The following GRM8 variants were observed in gnomAD, a reference collection of about 807,000 sequenced individuals.
GRM8 encodes glutamate metabotropic receptor 8.
GRM8 carries 47 observed loss-of-function variants against 87.2 expected under a neutral mutation model. The observed-to-expected ratio is 0.54, with a 90% CI of 0.43 to 0.69. The LOEUF (loss-of-function observed/expected upper bound fraction) is 0.69, where lower values mean the gene tolerates loss of function less well. Among genes scored for constraint, GRM8 ranks in the 30% least tolerant of loss-of-function variants. GRM8 has a pLI of 0.00. For synonymous variants in GRM8, 396 were observed against 404.5 expected (o/e 0.98, Z 0.25); for missense variants, 1,019 against 1,139.2 (o/e 0.89, Z 1.52).
Position 126,698,453 on chromosome 7 carries a change from C to T in GRM8, c.1357+71412G>A, listed in dbSNP as rs370472727. Among the ~76,000 whole-genome samples the T allele has an allele frequency of 8.5e-5, 13 of 152,216 alleles. No homozygotes were observed. The East Asian group carries it at 1.5e-3, about 18-fold the overall frequency. ...TAACTTATATTAAAATTACTTTCCA[C>T]ATATTACAAAATGCTCTAGGCATAT... On this transcript the variant is annotated intron_variant, in intron 7 of 10. Transcript: ENST00000339582.
chr7:126,520,206 G>GT (rs1812777800), intron 9 of GRM8, among the ~76,000 whole-genome samples: 1 of 151,976 alleles, frequency 6.6e-6, no homozygotes, highest in Non-Finnish European at 1.5e-5. Flanking sequence ...CTAAAAAGAA[G>GT]TTTAACTTCT....
chr7:126,826,819 A>G (rs1163961051), intron 6 of GRM8, among the ~76,000 whole-genome samples: 1 of 152,102 alleles, frequency 6.6e-6, no homozygotes, highest in Non-Finnish European at 1.5e-5. Flanking sequence ...GGTAATGCCT[A>G]GGTTTTCTTC....
chr7:127,059,398 G>A (rs1046347565), intron 3 of GRM8, among the ~76,000 whole-genome samples: 10 of 148,438 alleles, frequency 6.7e-5, no homozygotes, highest in Non-Finnish European at 8.9e-5. Context: ...GTGCAGTGGC[G>A]CAATCTCAGC....
intron 3 of GRM8, among the ~76,000 whole-genome samples, chr7:127,046,431 C>G (rs1486335043): frequency 6.6e-6 from 1 of 152,016 alleles, no homozygotes; most frequent in East Asian, 1.9e-4. Context: ...TTTTAATGAG[C>G]TAGTTCTGGT....
At chr7:126,707,493 C>T (rs985071219) in intron 7 of GRM8, among the ~76,000 whole-genome samples, 1 of 152,066 alleles carries the variant, frequency 6.6e-6, no homozygotes, top group Non-Finnish European at 1.5e-5. Flanking sequence ...TTTAACTAGA[C>T]TTTCTTTTCT....
intron 3 of GRM8, among the ~76,000 whole-genome samples, chr7:126,952,168 G>T (rs1324088702): frequency 6.6e-6 from 1 of 151,840 alleles, no homozygotes; most frequent in Non-Finnish European, 1.5e-5. Context: ...TAATAAGAGA[G>T]CACAAACACT....
In GRM8 at chr7:126,904,709, G is replaced by C. The variant is rs746255099; in HGVS notation, c.728-26C>G. ...CTATTTAAAAAAGAAGGGAGGTGGT[G>C]ATTCAGAAAGAGCATTTATTTAATT... On this transcript the variant is annotated intron_variant, in intron 3 of 10. Coordinates refer to ENST00000339582, the MANE Select transcript of GRM8 (RefSeq NM_000845.3). 2.5e-6 allele frequency: 4 copies of C among 1,605,256 alleles called. No individual in the cohort carries two copies. The South Asian group carries it at 4.4e-5, about 18-fold the overall frequency.
intron 9 of GRM8, among the ~76,000 whole-genome samples, chr7:126,502,275 T>A (rs1478740962): frequency 1.3e-5 from 2 of 152,048 alleles, no homozygotes; most frequent in Admixed American, 6.6e-5. Context: ...ACAAGCTAAG[T>A]ACCCACATAT....
chr7:126,487,552 A>G (rs1041367020), intron 9 of GRM8, among the ~76,000 whole-genome samples: 1 of 152,010 alleles, frequency 6.6e-6, no homozygotes, highest in Non-Finnish European at 1.5e-5. Context: ...AACAATGTCA[A>G]TGACCTTTCC....
At chr7:126,844,797 CTCT>C (rs1438661153) in intron 6 of GRM8, among the ~76,000 whole-genome samples, 1 of 152,158 alleles carries the variant, frequency 6.6e-6, no homozygotes, top group Non-Finnish European at 1.5e-5. Flanking sequence ...ATCTCTCTTA[CTCT>C]TCTTCTTATA....
At chr7:126,600,760 A>T (rs1017416094) in intron 8 of GRM8, among the ~76,000 whole-genome samples, 1 of 152,174 alleles carries the variant, frequency 6.6e-6, no homozygotes, top group Non-Finnish European at 1.5e-5. Context: ...GTTATCTTTT[A>T]TCTTGTTATT....
intron 2 of GRM8, among the ~76,000 whole-genome samples, chr7:127,207,127 G>C (rs767473618): frequency 6.6e-6 from 1 of 152,216 alleles, no homozygotes; most frequent in Non-Finnish European, 1.5e-5. Context: ...GACTTGGGGA[G>C]ATATATGGTT....
At chr7:126,734,653 T>C (rs2151490990) in intron 7 of GRM8, among the ~76,000 whole-genome samples, 1 of 152,016 alleles carries the variant, frequency 6.6e-6, no homozygotes, top group African/African-American at 2.4e-5. Flanking sequence ...GAAGATGAAT[T>C]CAATGTTTCA....
In GRM8 at chr7:127,234,935, CTGAAG is replaced by C. The variant is rs137865183; in HGVS notation, c.510+7755_510+7759del. 6.6e-3 allele frequency among the ~76,000 whole-genome samples: 1,007 copies of C among 152,286 alleles called. 8 individuals carry two copies. The highest frequency in any genetic ancestry group is 0.024 in the Middle Eastern group (7 of 294). ...ATTGTGCTGTGAACCTAAAACTGCT[CTGAAG>C]TGAAGTCCATAAAATTTAAAAACCT... On this transcript the variant is annotated intron_variant, in intron 2 of 10. Transcript: ENST00000339582.
chr7:126,532,850 T>A, intron 9 of GRM8, 102 bp downstream of exon 9: 1 of 583,724 alleles, frequency 1.7e-6, no homozygotes, highest in Non-Finnish European at 3.0e-6. Flanking sequence ...GACTGAAGCA[T>A]CTTTAGAGAA....
intron 2 of GRM8, among the ~76,000 whole-genome samples, chr7:127,203,409 C>A (rs1455143197): frequency 6.6e-6 from 1 of 152,070 alleles, no homozygotes; most frequent in Non-Finnish European, 1.5e-5. Context: ...CATACACCCC[C>A]TGAATCTAAA....
chr7:126,951,918 C>G (rs977907154), intron 3 of GRM8, among the ~76,000 whole-genome samples: 1 of 151,730 alleles, frequency 6.6e-6, no homozygotes, highest in African/African-American at 2.4e-5. Context: ...CATATATTTC[C>G]TGGCTCTGCC....
At chr7:127,217,399 C>A (rs1335646978) in intron 2 of GRM8, among the ~76,000 whole-genome samples, 1 of 152,148 alleles carries the variant, frequency 6.6e-6, no homozygotes, top group East Asian at 1.9e-4. Context: ...AAAAAAGCAT[C>A]CAGACAGAAA....
chr7:127,048,609 G>T (rs1452886015), intron 3 of GRM8, among the ~76,000 whole-genome samples: 1 of 152,132 alleles, frequency 6.6e-6, no homozygotes, highest in Non-Finnish European at 1.5e-5. Context: ...CCTTCTTCCA[G>T]ATGCAGAAAG....
Sources: gnomAD v4.1 joint callset for allele counts (sites outside exome capture counted in the v4.1 genomes callset) on GRCh38, gnomAD v4.1.1 for gene constraint, MANE v1.5 for transcripts, NCBI Gene and HGNC (gene_info 2026-07-23, HGNC 2026-07-21) for gene names.